PTPN11: variants seen among roughly 807,000 people sequenced by gnomAD.
PTPN11 encodes protein tyrosine phosphatase non-receptor type 11.
Under a neutral mutation model 78.8 loss-of-function variants are expected in PTPN11, and 6 were observed. That is an observed-to-expected ratio of 0.08 (90% confidence interval 0.04 to 0.15). The LOEUF is 0.15. PTPN11 is among the 10% of genes least tolerant of loss of function. The pLI, the probability that PTPN11 is intolerant of heterozygous loss-of-function variation, is 1.00. For synonymous variants in PTPN11, 221 were observed against 263.5 expected (o/e 0.84, Z 1.56); for missense variants, 386 against 744.8 (o/e 0.52, Z 5.61).
chr12:112,427,257 T>C (rs2037631998), intron 1 of PTPN11, among the ~76,000 whole-genome samples: 1 of 145,510 alleles, frequency 6.9e-6, no homozygotes, highest in Non-Finnish European at 1.5e-5. Flanking sequence ...AAAAAAAATA[T>C]AGATATAGGC....
At chr12:112,472,054 G>C (rs1288736252) in intron 6 of PTPN11, among the ~76,000 whole-genome samples, 11 of 152,110 alleles carry the variant, frequency 7.2e-5, no homozygotes, top group Admixed American at 7.2e-4. Context: ...TGGCCAGGCT[G>C]GTCTTTAACT....
At chr12:112,428,396 C>CTTTTTTTTT (rs11312766) in intron 1 of PTPN11, among the ~76,000 whole-genome samples, 1 of 84,466 alleles carries the variant, frequency 1.2e-5, no homozygotes, top group Admixed American at 1.3e-4. Flanking sequence ...TGTGTGTTGT[C>CTTTTTTTTT]TTTTTTTTTT....
At chr12:112,490,304 CTT>C (rs1258631865) in intron 13 of PTPN11, among the ~76,000 whole-genome samples, 26 of 128,654 alleles carry the variant, frequency 2.0e-4, no homozygotes, top group Non-Finnish European at 1.7e-4. Flanking sequence ...TCAGGGATGT[CTT>C]TTTTTTTTTT....
At position 112,509,324 on chromosome 12, in the gene PTPN11, G is replaced by T. The variant is rs1488317439; in HGVS notation, c.*3532G>T. 6.6e-6 allele frequency: 1 copy of T among 152,454 alleles called. No homozygotes were observed. Among genetic ancestry groups the T allele is most frequent in the Non-Finnish European group, 1.5e-5 (1 of 68,050 alleles). The allele number at this position is 152,454 out of a possible 1,614,324, so 9.4% of individuals were successfully genotyped here. A position where few individuals can be genotyped will look rare whatever the true frequency, so the allele number is the denominator to read the frequency against. On this transcript the variant is annotated 3_prime_UTR_variant, in exon 16 of 16. Coordinates refer to ENST00000351677, the MANE Select transcript of PTPN11 (RefSeq NM_002834.5). ...AAAAACTATTGAACAGTTGGTTTTA[G>T]TGTGTTGTATAACTTTGCTGTATAT...
intron 11 of PTPN11, among the ~76,000 whole-genome samples, chr12:112,487,939 A>G (rs2038700687): frequency 6.6e-6 from 1 of 152,006 alleles, no homozygotes; most frequent in African/African-American, 2.4e-5. Flanking sequence ...ACGTGACAAC[A>G]TGCCTGGCTA....
intron 7 of PTPN11, among the ~76,000 whole-genome samples, chr12:112,475,535 A>T (rs762304900): frequency 1.3e-5 from 2 of 152,034 alleles, no homozygotes; most frequent in African/African-American, 2.4e-5. Context: ...GATTACAGGC[A>T]TGAGCGACTG....
At chr12:112,500,303 T>A (rs547444105) in intron 13 of PTPN11, among the ~76,000 whole-genome samples, 1 of 152,292 alleles carries the variant, frequency 6.6e-6, no homozygotes, top group Non-Finnish European at 1.5e-5. Context: ...AATATTTAAT[T>A]TTGAATTATA....
intron 5 of PTPN11, 61 bp from the exon 6 acceptor site, chr12:112,455,889 G>C: frequency 4.0e-6 from 2 of 495,942 alleles, no homozygotes; most frequent in Admixed American, 4.3e-5. Context: ...TTTTTTTTTT[G>C]CATTAACACC....
intron 6 of PTPN11, among the ~76,000 whole-genome samples, chr12:112,461,605 G>A (rs1160699691): frequency 6.6e-6 from 1 of 152,024 alleles, no homozygotes; most frequent in African/African-American, 2.4e-5. Context: ...GGGACTACAG[G>A]CACATACCAC....
In PTPN11 at chr12:112,439,500, G is replaced by A. The variant is rs116155570; in HGVS notation, c.15-6776G>A. ...TTATTATTATTTGAGACGGAGTCTCGCTCTTTTGTTCAGGCTGGAGTGCAG... is the reference window on the plus strand; with the variant it reads ...TTATTATTATTTGAGACGGAGTCTCACTCTTTTGTTCAGGCTGGAGTGCAG... On this transcript the variant is annotated intron_variant, in intron 1 of 15. Coordinates refer to ENST00000351677, the MANE Select transcript of PTPN11 (RefSeq NM_002834.5). Among the ~76,000 whole-genome samples, 1,186 of 151,548 alleles carry A rather than the reference G, an allele frequency of 7.8e-3. 15 individuals are homozygous for A. The highest frequency in any genetic ancestry group is 0.026 in the African/African-American group (1,092 of 41,378).
intron 6 of PTPN11, among the ~76,000 whole-genome samples, chr12:112,470,366 A>G (rs1053026270): frequency 2.6e-5 from 4 of 152,186 alleles, no homozygotes; most frequent in African/African-American, 9.6e-5. Context: ...ATGTACATGC[A>G]TCTCATTTGA....
chr12:112,489,122 A>G lies in PTPN11; in HGVS notation c.1546A>G (p.Met516Val), dbSNP rs773825880. 3 of 1,614,180 alleles carry G rather than the reference A, an allele frequency of 1.9e-6. No homozygotes were observed. The highest frequency in any genetic ancestry group is 2.5e-6 in the Non-Finnish European group (3 of 1,180,038). The stretch of plus-strand genomic sequence containing the variant: ...AGAAGCACAGTACCGATTTATCTAT[A>G]TGGCGGTCCAGCATTATATTGAAAC... ...QTEAQYRFIY[M>V]AVQHYIETLQ... The change falls in exon 13 of 16, where the codon ATG (methionine) becomes GTG (valine). Residue 516 changes from methionine to valine, a missense_variant. Physicochemically the swap from Met to Val is conservative, Grantham distance 21. Transcript: ENST00000351677.
At chr12:112,445,425 C>T (rs1173267790) in intron 1 of PTPN11, among the ~76,000 whole-genome samples, 1 of 152,082 alleles carries the variant, frequency 6.6e-6, no homozygotes, top group Non-Finnish European at 1.5e-5. Flanking sequence ...AGCCACTGTT[C>T]CCATCCAGAA....
chr12:112,444,429 C>T (rs1487080324), intron 1 of PTPN11, among the ~76,000 whole-genome samples: 3 of 151,992 alleles, frequency 2.0e-5, no homozygotes, highest in African/African-American at 7.2e-5. Flanking sequence ...GCAACCTCCG[C>T]CTCCCGGGTT....
At chr12:112,445,065 ATGTG>A (rs563997620) in intron 1 of PTPN11, among the ~76,000 whole-genome samples, 1 of 151,332 alleles carries the variant, frequency 6.6e-6, no homozygotes, top group African/African-American at 2.4e-5. Context: ...GTATATATAT[ATGTG>A]TGTGTGTGTG....
intron 1 of PTPN11, among the ~76,000 whole-genome samples, chr12:112,431,619 A>C (rs541476224): frequency 6.6e-6 from 1 of 152,140 alleles, no homozygotes; most frequent in Non-Finnish European, 1.5e-5. Context: ...ACTGGAGGAA[A>C]TCGGAGACGT....
chr12:112,422,888 G>A lies in PTPN11; in HGVS notation c.14+3763G>A, dbSNP rs1016443075. On this transcript the variant is annotated intron_variant, in intron 1 of 15. Coordinates refer to ENST00000351677, the MANE Select transcript of PTPN11 (RefSeq NM_002834.5). Reference sequence around the variant, plus strand: ...ATGTTTGTAATTGTCCTAGCAGGCCGTGGTGTACTTTGTTAGGCAGCCACA... The same window carrying A: ...ATGTTTGTAATTGTCCTAGCAGGCCATGGTGTACTTTGTTAGGCAGCCACA... 3.9e-5 allele frequency among the ~76,000 whole-genome samples: 6 copies of A among 152,324 alleles called. No homozygotes were observed. In the South Asian group the frequency reaches 1.0e-3, roughly 26 times the overall value.
intron 6 of PTPN11, among the ~76,000 whole-genome samples, chr12:112,470,639 C>G (rs2038400046): frequency 6.6e-6 from 1 of 152,020 alleles, no homozygotes; most frequent in Non-Finnish European, 1.5e-5. Context: ...CCACGTGTGC[C>G]CTGCCACCGC....
At chr12:112,422,371 T>C (rs1380451426) in intron 1 of PTPN11, among the ~76,000 whole-genome samples, 3 of 152,210 alleles carry the variant, frequency 2.0e-5, no homozygotes, top group Admixed American at 6.6e-5. Flanking sequence ...GTAGCAGTGA[T>C]AGTACTGGAT....
Sources: gnomAD v4.1 joint callset for allele counts (sites outside exome capture counted in the v4.1 genomes callset) on GRCh38, gnomAD v4.1.1 for gene constraint, MANE v1.5 for transcripts, NCBI Gene and HGNC (gene_info 2026-07-23, HGNC 2026-07-21) for gene names.